The following WDPCP variants were observed in gnomAD, a reference collection of about 807,000 sequenced individuals.
WDPCP encodes WD repeat-containing and planar cell polarity effector protein fritz homolog.
WDPCP carries 71 observed loss-of-function variants against 93.1 expected under a neutral mutation model. The ratio of observed to expected loss-of-function variants is 0.76; its 90% CI spans 0.63 to 0.93. WDPCP has a LOEUF of 0.93. WDPCP is among the 40% of genes least tolerant of loss of function. The pLI is 0.00. For missense variants in WDPCP, 844 were observed against 887.4 expected (o/e 0.95, Z 0.62); for synonymous variants, 315 against 315.0 (o/e 1.00, Z 0.00).
At chr2:63,795,618 GAGAA>G (rs1054847620) in intron 2 of WDPCP, among the ~76,000 whole-genome samples, 3 of 151,930 alleles carry the variant, frequency 2.0e-5, no homozygotes, top group South Asian at 2.1e-4. Flanking sequence ...AAGAAAGAAA[GAGAA>G]AGAAAGAAAA....
At chr2:63,310,766 G>A (rs1686124557) in intron 13 of WDPCP, among the ~76,000 whole-genome samples, 1 of 152,138 alleles carries the variant, frequency 6.6e-6, no homozygotes, top group Non-Finnish European at 1.5e-5. Context: ...GGCTAAGATA[G>A]GAGGATTGCT....
intron 3 of WDPCP, among the ~76,000 whole-genome samples, chr2:63,638,789 GAAAAAAAGAAAAAA>G (rs1056906879): frequency 1.3e-4 from 17 of 134,486 alleles, no homozygotes; most frequent in African/African-American, 4.7e-4. Flanking sequence ...CTTCTGTCTC[GAAAAAAAGAAAAAA>G]AAAAAAGGAA....
chr2:63,474,021 C>T (rs1426639443), intron 6 of WDPCP, among the ~76,000 whole-genome samples: 4 of 151,998 alleles, frequency 2.6e-5, no homozygotes, highest in Non-Finnish European at 5.9e-5. Context: ...GACATAATAG[C>T]TATCTCTAAG....
rs541915330 is a variant in WDPCP, at chr2:63,565,885, T to A, written c.75+22312A>T. Reference sequence around the variant, plus strand: ...CCATCTGCAGGTACATATATAGCCATCGCCCAGTCCTGTCTATTCTATATC... The same window carrying A: ...CCATCTGCAGGTACATATATAGCCAACGCCCAGTCCTGTCTATTCTATATC... On this transcript the variant is annotated intron_variant, in intron 1 of 17. Transcript: ENST00000272321. 2.6e-5 allele frequency among the ~76,000 whole-genome samples: 4 copies of A among 152,334 alleles called. No individual in the cohort carries two copies. The East Asian group carries it at 7.7e-4, about 29-fold the overall frequency.
intron 1 of WDPCP, among the ~76,000 whole-genome samples, chr2:63,529,681 T>A (rs1406288240): frequency 6.6e-6 from 1 of 152,134 alleles, no homozygotes; most frequent in South Asian, 2.1e-4. Flanking sequence ...ATTCTCTTTT[T>A]TCGTTGTGTC....
At chr2:63,832,174 C>G (rs1228909852), upstream of WDPCP, among the ~76,000 whole-genome samples, 1 of 152,224 alleles carries the variant, frequency 6.6e-6, no homozygotes, top group African/African-American at 2.4e-5. Flanking sequence ...AGATGGGCTA[C>G]AACGCATCTG....
chr2:63,558,960 C>T (rs1470092985), intron 1 of WDPCP, among the ~76,000 whole-genome samples: 1 of 152,160 alleles, frequency 6.6e-6, no homozygotes, highest in Non-Finnish European at 1.5e-5. Flanking sequence ...GATACCAAAA[C>T]CTGGCAGAGA....
At chr2:63,718,304 C>T (rs1669366554) in intron 2 of WDPCP, among the ~76,000 whole-genome samples, 1 of 152,036 alleles carries the variant, frequency 6.6e-6, no homozygotes, top group Admixed American at 6.6e-5. Flanking sequence ...AGGGGTAGTT[C>T]TATCTTTAGT....
intron 6 of WDPCP, among the ~76,000 whole-genome samples, chr2:63,463,235 A>G (rs1699136543): frequency 6.6e-6 from 1 of 152,086 alleles, no homozygotes; most frequent in South Asian, 2.1e-4. Flanking sequence ...TTTTTTTTAC[A>G]TCTACTAGAT....
intron 1 of WDPCP, among the ~76,000 whole-genome samples, chr2:63,564,889 T>C (rs547343647): frequency 6.6e-6 from 1 of 152,056 alleles, no homozygotes; most frequent in Non-Finnish European, 1.5e-5. Context: ...GCAATTCTAC[T>C]GCCTCAGCCT....
In WDPCP at chr2:63,445,355, C is replaced by A. The variant is rs549651461; in HGVS notation, c.385-5484G>T. On this transcript the variant is annotated intron_variant, in intron 6 of 17. Coordinates refer to ENST00000272321, the MANE Select transcript of WDPCP (RefSeq NM_015910.7). ...CAGTGGGATTTCCCAAAGATTTGTA[C>A]GGTGTTATTCAATATATGGAATACA... 1.2e-4 allele frequency among the ~76,000 whole-genome samples: 18 copies of A among 152,172 alleles called. No homozygotes were observed. In the South Asian group the frequency reaches 3.5e-3, roughly 30 times the overall value.
At chr2:63,403,263 G>A (rs1366515118) in intron 10 of WDPCP, among the ~76,000 whole-genome samples, 2 of 151,958 alleles carry the variant, frequency 1.3e-5, no homozygotes, top group East Asian at 3.9e-4. Context: ...CAGACACTGG[G>A]GTCTACTTGA....
At chr2:63,655,634 G>A (rs902711620) in intron 2 of WDPCP, among the ~76,000 whole-genome samples, 1 of 152,014 alleles carries the variant, frequency 6.6e-6, no homozygotes. Context: ...CTCACTCTTA[G>A]GTGATCACTA....
At chr2:63,804,026 C>T (rs12613707) in intron 2 of WDPCP, among the ~76,000 whole-genome samples, 31,342 of 151,946 alleles carry the variant, frequency 0.21, 4,490 homozygotes, top group East Asian at 0.73. Context: ...AAATAGTTGC[C>T]TCTAGGGGGG....
chr2:63,532,112 G>A lies in WDPCP; in HGVS notation c.76-39172C>T, dbSNP rs187472311. On this transcript the variant is annotated intron_variant, in intron 1 of 17. Coordinates refer to ENST00000272321, the MANE Select transcript of WDPCP (RefSeq NM_015910.7). ...CCATCAAGTGGAATAAAGGGGATCA[G>A]GGACTGAAGATCAAATGAATGAAAT... 4.8e-3 allele frequency among the ~76,000 whole-genome samples: 728 copies of A among 152,290 alleles called. 4 individuals are homozygous for A. Among genetic ancestry groups the A allele is most frequent in the Non-Finnish European group, 6.5e-3 (445 of 68,022 alleles).
At chr2:63,301,922 T>G (rs889850127) in intron 13 of WDPCP, among the ~76,000 whole-genome samples, 1 of 152,202 alleles carries the variant, frequency 6.6e-6, no homozygotes, top group African/African-American at 2.4e-5. Flanking sequence ...CATTTTCTTT[T>G]GCACAAGGGC....
intron 1 of WDPCP, among the ~76,000 whole-genome samples, chr2:63,509,607 CA>C (rs1323682454): frequency 2.0e-5 from 3 of 151,886 alleles, no homozygotes; most frequent in Non-Finnish European, 4.4e-5. Flanking sequence ...GATAGAGACA[CA>C]AAAAACCCTT....
chr2:63,363,768 A>G (rs769806721), intron 12 of WDPCP, among the ~76,000 whole-genome samples: 43 of 152,226 alleles, frequency 2.8e-4, no homozygotes, highest in Admixed American at 1.0e-3. Context: ...TGACTTTTAA[A>G]CAGTATTCTG....
At chr2:63,477,818 G>A (rs975428288) in intron 6 of WDPCP, 3 of 152,134 alleles carry the variant, frequency 2.0e-5, no homozygotes, top group Non-Finnish European at 4.4e-5. Flanking sequence ...ACCTTACCTG[G>A]AGCTGAGACA....
Sources: gnomAD v4.1 joint callset for allele counts (sites outside exome capture counted in the v4.1 genomes callset) on GRCh38, gnomAD v4.1.1 for gene constraint, MANE v1.5 for transcripts, NCBI Gene and HGNC (gene_info 2026-07-23, HGNC 2026-07-21) for gene names.